The following ADGRE1 variants were observed in gnomAD, a reference collection of about 807,000 sequenced individuals.
ADGRE1 encodes EGF-like module receptor 1.
In ADGRE1, 82 loss-of-function variants were observed where a neutral mutation model predicts 102.7. The observed-to-expected ratio is 0.80, with a 90% CI of 0.67 to 0.96. The LOEUF (loss-of-function observed/expected upper bound fraction) is 0.96, where lower values mean the gene tolerates loss of function less well. Ranked by LOEUF, ADGRE1 falls within the 40% of genes least tolerant of loss-of-function variation. The pLI is 0.00. For missense variants in ADGRE1, 1,032 were observed against 1,085.3 expected (o/e 0.95, Z 0.69); for synonymous variants, 398 against 399.6 (o/e 1.00, Z 0.05).
At chr19:6,926,884 G>T (rs1974935955) in intron 16 of ADGRE1, among the ~76,000 whole-genome samples, 1 of 151,892 alleles carries the variant, frequency 6.6e-6, no homozygotes, top group South Asian at 2.1e-4. Context: ...GACATGGGGG[G>T]TGGTGGGGGT....
At chr19:6,901,757 T>C (rs1973771531) in intron 5 of ADGRE1, 118 bp from the exon 6 acceptor site, 2 of 1,025,306 alleles carry the variant, frequency 2.0e-6, no homozygotes, top group Non-Finnish European at 2.9e-6. Flanking sequence ...AACATGGATA[T>C]TGGGGAGCAT....
intron 2 of ADGRE1, among the ~76,000 whole-genome samples, chr19:6,894,805 A>G (rs1973492064): frequency 6.6e-6 from 1 of 152,180 alleles, no homozygotes. Flanking sequence ...GATCAGGCAT[A>G]GCCAAGGTGG....
intron 11 of ADGRE1, among the ~76,000 whole-genome samples, chr19:6,915,941 A>AAC (rs1568351534): frequency 6.6e-6 from 1 of 150,682 alleles, no homozygotes; most frequent in Non-Finnish European, 1.5e-5. Flanking sequence ...AAAAAAAAAA[A>AAC]AAAAACTTAG....
intron 17 of ADGRE1, among the ~76,000 whole-genome samples, chr19:6,934,764 ATT>A (rs371829373): frequency 1.2e-4 from 17 of 136,754 alleles, no homozygotes; most frequent in Admixed American, 1.5e-4. Flanking sequence ...TGCATGGCTA[ATT>A]TTTTTTTTTT....
chr19:6,910,250 G>T (rs1490884332), intron 10 of ADGRE1, among the ~76,000 whole-genome samples: 1 of 151,842 alleles, frequency 6.6e-6, no homozygotes, highest in Non-Finnish European at 1.5e-5. Context: ...TACAAACTTA[G>T]TTCAATTTCC....
intron 2 of ADGRE1, chr19:6,891,219 C>T (rs952451304): frequency 6.6e-6 from 1 of 152,280 alleles, no homozygotes; most frequent in East Asian, 1.9e-4. Flanking sequence ...TCTCTTGCCT[C>T]CTGCCATGTA....
At chr19:6,887,954 G>A (rs944101580) in intron 1 of ADGRE1, among the ~76,000 whole-genome samples, 1 of 152,162 alleles carries the variant, frequency 6.6e-6, no homozygotes. Context: ...TATTCTAGTG[G>A]GTAGGAGCAG....
intron 6 of ADGRE1, 87 bp downstream of exon 6, chr19:6,902,108 T>G: frequency 6.6e-7 from 1 of 1,519,572 alleles, no homozygotes; most frequent in Non-Finnish European, 9.0e-7. Flanking sequence ...TTGGTTGAGT[T>G]TGAGACTTTC....
At chr19:6,897,823 C>T (rs555594248) in intron 5 of ADGRE1, 36 of 224,794 alleles carry the variant, frequency 1.6e-4, no homozygotes, top group African/African-American at 7.7e-4. Flanking sequence ...TTAAGTGGAG[C>T]ATTAGGCCAT....
chr19:6,914,816 GA>G (rs1974316285), intron 11 of ADGRE1, among the ~76,000 whole-genome samples: 1 of 152,142 alleles, frequency 6.6e-6, no homozygotes, highest in South Asian at 2.1e-4. Flanking sequence ...AGCAAGATCA[GA>G]GTAAGTCTCA....
intron 6 of ADGRE1, among the ~76,000 whole-genome samples, chr19:6,903,227 A>G (rs980462005): frequency 6.6e-6 from 1 of 152,196 alleles, no homozygotes; most frequent in Admixed American, 6.5e-5. Flanking sequence ...AAGGGGCAGT[A>G]ACTCCCCAAT....
In ADGRE1 at chr19:6,896,737, C is replaced by T. The variant is rs577130346; in HGVS notation, c.238+196C>T. The T allele has an allele frequency of 2.0e-5, 12 of 607,664 alleles. No homozygotes were observed. In the African/African-American group the frequency reaches 2.3e-4, roughly 11 times the overall value. 37.6% of individuals were successfully genotyped at this position (607,664 alleles called of 1,614,324 possible). On this transcript the variant is annotated intron_variant, in intron 3 of 20. Coordinates refer to ENST00000312053, the MANE Select transcript of ADGRE1 (RefSeq NM_001974.5). ...TGTGGGGGTGTTGTTACTGTCACAG[C>T]ATTGCTAGCTAGTGTTGCTAGCAAA...
chr19:6,937,289 T>C lies in ADGRE1; in HGVS notation c.2428T>C (p.Ser810Pro). The change falls in exon 19 of 21, where the codon TCC becomes CCC. Residue 810 changes from serine to proline, a missense_variant. Coordinates refer to ENST00000312053, the MANE Select transcript of ADGRE1 (RefSeq NM_001974.5). ...TGCCCAGCTCTTCATCCTGGGCTGC[T>C]CCTGGGTGCTGGGCATTTTTCAGAT... ...AFAQLFILGC[S>P]WVLGIFQIGP... 6.2e-7 allele frequency: 1 copy of C among 1,614,160 alleles called. No individual in the cohort carries two copies. Among genetic ancestry groups the C allele is most frequent in the Non-Finnish European group, 8.5e-7 (1 of 1,180,010 alleles).
intron 2 of ADGRE1, 140 bp from the exon 3 acceptor site, chr19:6,896,258 G>C (rs1159687800): frequency 4.0e-6 from 3 of 747,492 alleles, no homozygotes; most frequent in African/African-American, 1.8e-5. Flanking sequence ...CAGGTACCAG[G>C]GTTTAGGACT....
intron 17 of ADGRE1, chr19:6,928,531 G>T: frequency 2.5e-6 from 1 of 399,890 alleles, no homozygotes; most frequent in Non-Finnish European, 4.5e-6. Context: ...GGAGGCTGAG[G>T]CAGGAGAATC....
chr19:6,913,625 G>C, intron 10 of ADGRE1, 28 bp from the exon 11 acceptor site: 1 of 1,538,266 alleles, frequency 6.5e-7, no homozygotes. Flanking sequence ...GAGAGAGAGA[G>C]AATGAACAAA....
chr19:6,889,712 G>A lies in ADGRE1; in HGVS notation c.32-769G>A, dbSNP rs373024052. 9.2e-3 allele frequency among the ~76,000 whole-genome samples: 1,285 copies of A among 140,166 alleles called. 26 individuals carry two copies. Among genetic ancestry groups the A allele is most frequent in the African/African-American group, 0.031 (1,176 of 37,516 alleles). The allele number at this position is 140,166 out of a possible 152,430, so 92.0% of individuals were successfully genotyped here. A position where few individuals can be genotyped will look rare whatever the true frequency, so the allele number is the denominator to read the frequency against. On this transcript the variant is annotated intron_variant, in intron 1 of 20. Coordinates refer to ENST00000312053, the MANE Select transcript of ADGRE1 (RefSeq NM_001974.5). ...CAAAAAAAAAAAAAAAAAAAAAAAG[G>A]AAAGAAAAACGAATTGCCCTACCCT...
chr19:6,937,113 C>T (rs962397948), intron 18 of ADGRE1, 130 bp from the exon 19 acceptor site: 11 of 994,482 alleles, frequency 1.1e-5, no homozygotes, highest in Non-Finnish European at 1.5e-5. Flanking sequence ...GCTTGGAGAC[C>T]CCACCCTACA....
At chr19:6,894,678 T>C (rs2144887040) in intron 2 of ADGRE1, among the ~76,000 whole-genome samples, 1 of 152,242 alleles carries the variant, frequency 6.6e-6, no homozygotes, top group South Asian at 2.1e-4. Context: ...AAGAGCATTA[T>C]AGGCAAGGGG....
Sources: allele counts gnomAD v4.1 joint callset (sites outside exome capture counted in the v4.1 genomes callset), GRCh38; gene constraint gnomAD v4.1.1; transcripts MANE v1.5; gene names NCBI Gene and HGNC (gene_info 2026-07-23, HGNC 2026-07-21).